The following FRMD4A variants were observed in gnomAD, a reference collection of about 807,000 sequenced individuals.
The protein encoded by FRMD4A is FERM domain-containing protein 4A.
FRMD4A carries 29 observed loss-of-function variants against 129.1 expected under a neutral mutation model. That is an observed-to-expected ratio of 0.22 (90% CI 0.17 to 0.31). The LOEUF (loss-of-function observed/expected upper bound fraction) is 0.31, where lower values mean the gene tolerates loss of function less well. Ranked by LOEUF, FRMD4A falls within the 10% of genes least tolerant of loss-of-function variation. FRMD4A has a pLI of 1.00. For synonymous variants in FRMD4A, 634 were observed against 571.6 expected (o/e 1.11, Z -1.56); for missense variants, 1,272 against 1,375.8 (o/e 0.92, Z 1.19).
chr10:14,144,485 G>T (rs1050587807), intron 2 of FRMD4A, among the ~76,000 whole-genome samples: 3 of 152,340 alleles, frequency 2.0e-5, no homozygotes, highest in Admixed American at 2.0e-4. Flanking sequence ...TGCATCGTAT[G>T]CAGGTTTCAT....
chr10:13,714,923 C>A (rs2088628375), intron 12 of FRMD4A, among the ~76,000 whole-genome samples: 1 of 152,112 alleles, frequency 6.6e-6, no homozygotes, highest in Admixed American at 6.5e-5. Context: ...CCTGTAGTCC[C>A]AGCTATTCGG....
At chr10:13,872,191 G>C (rs542287884) in intron 2 of FRMD4A, among the ~76,000 whole-genome samples, 2 of 152,170 alleles carry the variant, frequency 1.3e-5, no homozygotes, top group Non-Finnish European at 2.9e-5. Context: ...GCCCGGGGGC[G>C]CTGCAGGTCT....
intron 2 of FRMD4A, among the ~76,000 whole-genome samples, chr10:14,115,938 C>G (rs528894833): frequency 6.6e-6 from 1 of 152,208 alleles, no homozygotes; most frequent in African/African-American, 2.4e-5. Flanking sequence ...AAGCCCACAC[C>G]CTTAACTATC....
At chr10:14,160,182 T>C (rs949247791) in intron 2 of FRMD4A, among the ~76,000 whole-genome samples, 1 of 152,170 alleles carries the variant, frequency 6.6e-6, no homozygotes, top group African/African-American at 2.4e-5. Flanking sequence ...GCCAACTGAT[T>C]TTTGAAAAAG....
At chr10:14,277,705 C>T (rs1041856816) in intron 2 of FRMD4A, among the ~76,000 whole-genome samples, 2 of 152,218 alleles carry the variant, frequency 1.3e-5, no homozygotes, top group East Asian at 3.8e-4. Context: ...GTTACTTTCC[C>T]CTCCCTCATC....
In FRMD4A at chr10:13,784,196, AAT is replaced by A. The variant is rs2092800856; in HGVS notation, c.300-1192_300-1191del. 3.3e-5 allele frequency among the ~76,000 whole-genome samples: 5 copies of A among 152,222 alleles called. No homozygotes were observed. The South Asian group carries it at 1.0e-3, about 32-fold the overall frequency. On this transcript the variant is annotated intron_variant, in intron 5 of 24. Transcript: ENST00000357447. ...AGAAACAAGTACTACAGTTTTCTAG[AAT>A]AGTGTTATAATCTGAGGGCCAGAAT...
chr10:14,286,551 C>A (rs1008924138), intron 2 of FRMD4A, among the ~76,000 whole-genome samples: 4 of 152,074 alleles, frequency 2.6e-5, no homozygotes, highest in African/African-American at 9.7e-5. Context: ...GAAACAAAAC[C>A]ATCTCCCACT....
chr10:13,884,240 A>ACACACC lies in FRMD4A; in HGVS notation c.46-25329_46-25328insGGTGTG, dbSNP rs200093883. On this transcript the variant is annotated intron_variant, in intron 2 of 24. Transcript: ENST00000357447. ...CACACACACACACACACACACACAC[A>ACACACC]CTCCCTAAAAGGCATCCTGTATATT... Among the ~76,000 whole-genome samples the ACACACC allele has an allele frequency of 9.7e-3, 1,318 of 135,180 alleles. 30 individuals are homozygous for ACACACC. The highest frequency in any genetic ancestry group is 0.026 in the Admixed American group (345 of 13,054). 88.7% of individuals were successfully genotyped at this position (135,180 alleles called of 152,430 possible).
intron 12 of FRMD4A, among the ~76,000 whole-genome samples, chr10:13,716,152 A>G (rs936235460): frequency 2.0e-5 from 3 of 152,108 alleles, no homozygotes; most frequent in African/African-American, 4.8e-5. Context: ...CAGGGTCCCC[A>G]TTCATTCGTT....
intron 2 of FRMD4A, among the ~76,000 whole-genome samples, chr10:14,294,426 T>C (rs1845945198): frequency 6.6e-6 from 1 of 152,172 alleles, no homozygotes; most frequent in South Asian, 2.1e-4. Context: ...GATACAATAA[T>C]AAGGCCATAT....
intron 3 of FRMD4A, among the ~76,000 whole-genome samples, chr10:13,852,576 G>A (rs566106409): frequency 4.9e-4 from 75 of 152,176 alleles, no homozygotes; most frequent in Middle Eastern, 3.4e-3. Flanking sequence ...GAAATTTATT[G>A]TATATTTATT....
chr10:14,017,797 C>A (rs148947535), intron 2 of FRMD4A, among the ~76,000 whole-genome samples: 1 of 152,222 alleles, frequency 6.6e-6, no homozygotes, highest in East Asian at 1.9e-4. Flanking sequence ...TATATTTTCC[C>A]AAAGTGAGGA....
chr10:14,050,251 G>A (rs542014874), intron 2 of FRMD4A, among the ~76,000 whole-genome samples: 1 of 152,296 alleles, frequency 6.6e-6, no homozygotes, highest in East Asian at 1.9e-4. Context: ...CTGTTTCCCT[G>A]TGCCAGGTGC....
chr10:14,240,033 A>G (rs919364500), intron 2 of FRMD4A, among the ~76,000 whole-genome samples: 93 of 152,342 alleles, frequency 6.1e-4, no homozygotes, highest in African/African-American at 2.2e-3. Flanking sequence ...ATTGATTTAC[A>G]GGATGCTCCG....
At chr10:14,146,143 A>C (rs906721937) in intron 2 of FRMD4A, among the ~76,000 whole-genome samples, 1 of 152,184 alleles carries the variant, frequency 6.6e-6, no homozygotes, top group Non-Finnish European at 1.5e-5. Flanking sequence ...TCTTAGAGTC[A>C]TTGTAAGGAT....
At chr10:14,041,544 G>A (rs989235019) in intron 2 of FRMD4A, among the ~76,000 whole-genome samples, 2 of 152,180 alleles carry the variant, frequency 1.3e-5, no homozygotes, top group African/African-American at 4.8e-5. Flanking sequence ...AATAAGTTCT[G>A]CGTCTAGGCG....
chr10:14,277,220 C>G (rs1017755595), intron 2 of FRMD4A, among the ~76,000 whole-genome samples: 2 of 152,120 alleles, frequency 1.3e-5, no homozygotes, highest in African/African-American at 4.8e-5. Flanking sequence ...CTCACAGTAA[C>G]AGGAACAAAG....
chr10:13,880,684 G>T (rs2094536970), intron 2 of FRMD4A, among the ~76,000 whole-genome samples: 3 of 151,966 alleles, frequency 2.0e-5, no homozygotes, highest in Admixed American at 6.6e-5. Context: ...TGCCTTTGAT[G>T]AATTCTGCCC....
chr10:14,088,541 T>C (rs567965668), intron 2 of FRMD4A, among the ~76,000 whole-genome samples: 1 of 150,574 alleles, frequency 6.6e-6, no homozygotes, highest in East Asian at 2.0e-4. Flanking sequence ...CTGAGGCTGG[T>C]GGATCACCTA....
Sources: allele counts gnomAD v4.1 joint callset (sites outside exome capture counted in the v4.1 genomes callset), GRCh38; gene constraint gnomAD v4.1.1; transcripts MANE v1.5; gene names NCBI Gene and HGNC (gene_info 2026-07-23, HGNC 2026-07-21).